HYCC2: variants seen among roughly 807,000 people sequenced by gnomAD.
HYCC2 encodes the protein hyccin PI4KA lipid kinase complex subunit 2.
At chr2:200,997,706 C>A in the HYCC2 span, among the ~76,000 whole-genome samples, 3 of 152,148 alleles carry the variant, frequency 2.0e-5, no homozygotes, top group African/African-American at 7.2e-5. Flanking sequence ...CAAATCATAA[C>A]CCTTGCTGTC....
the HYCC2 span, among the ~76,000 whole-genome samples, chr2:201,061,888 T>C: frequency 6.6e-6 from 1 of 150,958 alleles, no homozygotes; most frequent in Non-Finnish European, 1.5e-5. Flanking sequence ...GGCAGATCAC[T>C]TGAGCCCAGA....
At chr2:200,976,051 T>C in the HYCC2 span, 1 of 152,144 alleles carries the variant, frequency 6.6e-6, no homozygotes. Flanking sequence ...TCCATCTGCT[T>C]ATAATCTGGC....
chr2:201,022,762 AAATTT>A, the HYCC2 span: 1 of 961,378 alleles, frequency 1.0e-6, no homozygotes, highest in Non-Finnish European at 1.5e-6. Flanking sequence ...TATAAAACTT[AAATTT>A]ATGTGTTTTG....
At chr2:201,066,116 C>T in the HYCC2 span, among the ~76,000 whole-genome samples, 4 of 151,430 alleles carry the variant, frequency 2.6e-5, no homozygotes, top group African/African-American at 7.3e-5. Flanking sequence ...CTCACTTCAT[C>T]GCCCAGGCTG....
chr2:201,043,184 T>C, the HYCC2 span, among the ~76,000 whole-genome samples: 1 of 152,202 alleles, frequency 6.6e-6, no homozygotes, highest in East Asian at 1.9e-4. Flanking sequence ...TTAAATGGAT[T>C]AAGGGCGGTG....
chr2:201,045,298 G>A, the HYCC2 span, among the ~76,000 whole-genome samples: 1 of 151,924 alleles, frequency 6.6e-6, no homozygotes, highest in East Asian at 1.9e-4. Flanking sequence ...ATAACAGAAA[G>A]GTTTTTAAAA....
chr2:200,990,726 C>T, the HYCC2 span, among the ~76,000 whole-genome samples: 7 of 151,820 alleles, frequency 4.6e-5, no homozygotes, highest in African/African-American at 1.2e-4. Flanking sequence ...CGCCCGCCAC[C>T]GCGCCCAGCT....
the HYCC2 span, among the ~76,000 whole-genome samples, chr2:201,037,584 G>A: frequency 2.0e-5 from 3 of 152,080 alleles, no homozygotes; most frequent in Non-Finnish European, 4.4e-5. Context: ...CAGAAATAAT[G>A]CCACATATCT....
the HYCC2 span, among the ~76,000 whole-genome samples, chr2:201,038,466 C>T: frequency 6.6e-6 from 1 of 152,134 alleles, no homozygotes; most frequent in African/African-American, 2.4e-5. Flanking sequence ...CGGCACTATT[C>T]ACAACAGCAA....
the HYCC2 span, chr2:201,063,805 C>A: frequency 6.1e-5 from 97 of 1,590,458 alleles, no homozygotes; most frequent in Non-Finnish European, 7.7e-5. Flanking sequence ...GATATGATGG[C>A]AGTGGGGATG....
chr2:200,988,312 C>T, the HYCC2 span: 9 of 1,613,434 alleles, frequency 5.6e-6, no homozygotes, highest in African/African-American at 2.7e-5. Context: ...AATTGCAGTC[C>T]GAGAAATCCT....
the HYCC2 span, chr2:201,045,642 A>G: frequency 2.5e-6 from 1 of 396,702 alleles, no homozygotes; most frequent in Non-Finnish European, 4.4e-6. Context: ...AATATTCTCA[A>G]GAATGTAATA....
At chr2:201,011,506 A>G in the HYCC2 span, 7 of 1,098,094 alleles carry the variant, frequency 6.4e-6, no homozygotes, top group Non-Finnish European at 8.9e-6. Flanking sequence ...ATAATGAAAT[A>G]ATCACAGATC....
the HYCC2 span, among the ~76,000 whole-genome samples, chr2:201,058,619 A>G: frequency 6.6e-6 from 1 of 152,282 alleles, no homozygotes; most frequent in South Asian, 2.1e-4. Flanking sequence ...CATGAGAATC[A>G]CCTGAACCTG....
the HYCC2 span, among the ~76,000 whole-genome samples, chr2:201,015,467 T>G: frequency 2.6e-5 from 4 of 152,220 alleles, no homozygotes; most frequent in African/African-American, 9.7e-5. Flanking sequence ...TTTTTCCCTG[T>G]AACTGATGTC....
the HYCC2 span, among the ~76,000 whole-genome samples, chr2:200,984,944 C>T: frequency 6.6e-6 from 1 of 152,282 alleles, no homozygotes; most frequent in South Asian, 2.1e-4. Context: ...AAGACCCCAT[C>T]TCTACAAACA....
chr2:200,997,899 G>A, the HYCC2 span, among the ~76,000 whole-genome samples: 29 of 152,284 alleles, frequency 1.9e-4, no homozygotes, highest in African/African-American at 6.3e-4. Context: ...AGGCAGGTGT[G>A]GTGGCACATG....
At chr2:201,071,536 T>G in the HYCC2 span, 1 of 152,686 alleles carries the variant, frequency 6.5e-6, no homozygotes, top group Non-Finnish European at 1.5e-5. Context: ...GTCTGTAGTT[T>G]CCGCGGCCGA....
chr2:201,017,357 A>G, the HYCC2 span, among the ~76,000 whole-genome samples: 1 of 152,138 alleles, frequency 6.6e-6, no homozygotes, highest in South Asian at 2.1e-4. Flanking sequence ...TCCACTAACT[A>G]TAAGAAGTAT....
Sources: gnomAD v4.1 joint callset for allele counts (sites outside exome capture counted in the v4.1 genomes callset) on GRCh38, gnomAD v4.1.1 for gene constraint, MANE v1.5 for transcripts, NCBI Gene and HGNC (gene_info 2026-07-23, HGNC 2026-07-21) for gene names.